The following HDAC9 variants were observed in gnomAD, a reference collection of about 807,000 sequenced individuals.
HDAC9 encodes the protein MEF-2 interacting transcription repressor (MITR) protein.
In HDAC9, 41 loss-of-function variants were observed where a neutral mutation model predicts 139.4. The ratio of observed to expected loss-of-function variants is 0.29; its 90% confidence interval spans 0.23 to 0.38. HDAC9 has a LOEUF of 0.38. Ranked by LOEUF, HDAC9 falls within the 10% of genes least tolerant of loss-of-function variation. The probability of loss-of-function intolerance (pLI) is 1.00; values close to 1 mark genes in which losing one functional copy is unlikely to be tolerated. For missense variants in HDAC9, 1,147 were observed against 1,297.0 expected, an observed-to-expected ratio of 0.88 and a Z score of 1.78; for synonymous variants, 517 against 476.2, an observed-to-expected ratio of 1.09 and a Z score of -1.12.
chr7:18,506,679 G>C (rs1799863852), intron 2 of HDAC9, among the ~76,000 whole-genome samples: 2 of 151,850 alleles, frequency 1.3e-5, no homozygotes, highest in Admixed American at 1.3e-4. Flanking sequence ...TGGGAAAAAG[G>C]CAAGTATACA....
chr7:18,170,673 A>T (rs1401429234), intron 2 of HDAC9, among the ~76,000 whole-genome samples: 1 of 152,194 alleles, frequency 6.6e-6, no homozygotes, highest in Non-Finnish European at 1.5e-5. Context: ...ATGGCTAGCC[A>T]GTTTTCCCAG....
At chr7:18,648,056 C>T in intron 10 of HDAC9, 58 bp downstream of exon 10, 1 of 1,316,280 alleles carries the variant, frequency 7.6e-7, no homozygotes. Flanking sequence ...ATTAGTGATC[C>T]AGGATAATGT....
intron 14 of HDAC9, among the ~76,000 whole-genome samples, chr7:18,760,782 C>A (rs1416796068): frequency 6.6e-6 from 1 of 152,214 alleles, no homozygotes; most frequent in Non-Finnish European, 1.5e-5. Flanking sequence ...CAGTGACAAG[C>A]ACAGCTCGGC....
At chr7:18,355,353 A>G (rs1783171173) in intron 1 of HDAC9, among the ~76,000 whole-genome samples, 1 of 152,088 alleles carries the variant, frequency 6.6e-6, no homozygotes, top group South Asian at 2.1e-4. Flanking sequence ...GGGAATCTTC[A>G]TTTTCAACAT....
intron 23 of HDAC9, among the ~76,000 whole-genome samples, chr7:18,937,860 C>T (rs78809058): frequency 0.18 from 27,835 of 152,096 alleles, 2,725 homozygotes; most frequent in South Asian, 0.26. Context: ...TTTCTTTGAA[C>T]ACATGCATTC....
chr7:18,490,923 A>G (rs955816673), upstream of HDAC9, among the ~76,000 whole-genome samples: 2 of 152,000 alleles, frequency 1.3e-5, no homozygotes, highest in South Asian at 2.1e-4. Context: ...GTAGAGCACA[A>G]ATTCGGTATT....
chr7:18,417,905 T>C (rs1789234918), intron 1 of HDAC9, among the ~76,000 whole-genome samples: 1 of 152,224 alleles, frequency 6.6e-6, no homozygotes, highest in South Asian at 2.1e-4. Context: ...CTCTTGTCTC[T>C]GGTGCTCTAT....
rs557713177 is a variant in HDAC9, at chr7:18,358,853, G to A, written c.-42+68338G>A. ...TGGAAAATTGAGGTATAATAACCACGTTAGAAGAATGTGGTGAGGATTATG... is the reference window on the plus strand; with the variant it reads ...TGGAAAATTGAGGTATAATAACCACATTAGAAGAATGTGGTGAGGATTATG... On this transcript the variant is annotated intron_variant, in intron 1 of 3. Transcript: ENST00000413509. 2.6e-5 allele frequency among the ~76,000 whole-genome samples: 4 copies of A among 152,292 alleles called. No homozygotes were observed. In the South Asian group the frequency reaches 8.3e-4, roughly 32 times the overall value.
chr7:18,926,059 TAA>T (rs1804197550), intron 22 of HDAC9, among the ~76,000 whole-genome samples: 1 of 152,082 alleles, frequency 6.6e-6, no homozygotes, highest in Non-Finnish European at 1.5e-5. Flanking sequence ...ATTAAAAGTA[TAA>T]ATACTGGCCA....
At chr7:18,870,772 C>T (rs1798856830) in intron 21 of HDAC9, among the ~76,000 whole-genome samples, 1 of 152,112 alleles carries the variant, frequency 6.6e-6, no homozygotes, top group Non-Finnish European at 1.5e-5. Flanking sequence ...CTCCTAGGCT[C>T]AAACAATCCT....
intron 21 of HDAC9, among the ~76,000 whole-genome samples, chr7:18,837,843 A>G (rs1562977155): frequency 6.6e-6 from 1 of 152,082 alleles, no homozygotes; most frequent in Non-Finnish European, 1.5e-5. Flanking sequence ...ATGGTAAATG[A>G]ATGAAGTACT....
At chr7:18,131,548 T>C (rs963357596) in intron 1 of HDAC9, among the ~76,000 whole-genome samples, 2 of 152,126 alleles carry the variant, frequency 1.3e-5, no homozygotes, top group Non-Finnish European at 2.9e-5. Flanking sequence ...CAGTAGGGGG[T>C]AGAGTGTATA....
chr7:18,506,621 A>T (rs906472772), intron 2 of HDAC9, among the ~76,000 whole-genome samples: 1 of 152,080 alleles, frequency 6.6e-6, no homozygotes, highest in African/African-American at 2.4e-5. Flanking sequence ...TTTATGAAAA[A>T]CAATTGACTA....
intron 1 of HDAC9, among the ~76,000 whole-genome samples, chr7:18,431,185 A>G (rs551965441): frequency 1.3e-5 from 2 of 152,316 alleles, no homozygotes; most frequent in African/African-American, 4.8e-5. Context: ...TGGATACAAA[A>G]TAGGAAAAAA....
At chr7:18,663,463 AC>A (rs1416386823) in intron 11 of HDAC9, among the ~76,000 whole-genome samples, 1 of 150,732 alleles carries the variant, frequency 6.6e-6, no homozygotes, top group Non-Finnish European at 1.5e-5. Flanking sequence ...CCTCCCCCTC[AC>A]CCCCCAGTAA....
intron 1 of HDAC9, among the ~76,000 whole-genome samples, chr7:18,360,639 T>C (rs1261133801): frequency 1.3e-5 from 2 of 152,214 alleles, no homozygotes; most frequent in African/African-American, 4.8e-5. Context: ...GATTTCCATA[T>C]TCTTTCCTCA....
intron 12 of HDAC9, among the ~76,000 whole-genome samples, chr7:18,688,079 A>G (rs2129095399): frequency 6.6e-6 from 1 of 151,944 alleles, no homozygotes; most frequent in African/African-American, 2.4e-5. Context: ...ATATATACAC[A>G]CACACACTTA....
intron 12 of HDAC9, among the ~76,000 whole-genome samples, chr7:18,692,649 A>G (rs896811869): frequency 1.3e-5 from 2 of 152,116 alleles, no homozygotes; most frequent in Admixed American, 1.3e-4. Flanking sequence ...TGGGCCACGC[A>G]AACTAATGGA....
At chr7:18,852,871 T>C (rs1205532244) in intron 21 of HDAC9, among the ~76,000 whole-genome samples, 1 of 151,934 alleles carries the variant, frequency 6.6e-6, no homozygotes, top group Non-Finnish European at 1.5e-5. Context: ...TCTCTTTCTT[T>C]CCAGTGTATG....
Sources: gnomAD v4.1 joint callset for allele counts (sites outside exome capture counted in the v4.1 genomes callset) on GRCh38, gnomAD v4.1.1 for gene constraint, MANE v1.5 for transcripts, NCBI Gene and HGNC (gene_info 2026-07-23, HGNC 2026-07-21) for gene names.